KCTD9: variants seen among roughly 807,000 people sequenced by gnomAD.
KCTD9 encodes the protein BTB/POZ domain-containing protein KCTD9.
Under a neutral mutation model 53.3 loss-of-function variants are expected in KCTD9, and 17 were observed. The ratio of observed to expected loss-of-function variants is 0.32; its 90% CI spans 0.22 to 0.48. The LOEUF is 0.48. Among genes scored for constraint, KCTD9 ranks in the 20% least tolerant of loss-of-function variants. The pLI is 0.99. For synonymous variants in KCTD9, 128 were observed against 162.7 expected, an observed-to-expected ratio of 0.79 and a Z score of 1.62; for missense variants, 179 against 465.5, an observed-to-expected ratio of 0.38 and a Z score of 5.66.
rs1284903880 is a variant in KCTD9, at chr8:25,428,114, G to C, written c.*1743C>G. 1 of 152,594 alleles carries C rather than the reference G, an allele frequency of 6.6e-6. No individual in the cohort carries two copies. The highest frequency in any genetic ancestry group is 1.9e-4 in the East Asian group (1 of 5,190). 9.5% of individuals were successfully genotyped at this position (152,594 alleles called of 1,614,324 possible). ...AAGCACACCATGTTTAGATCTTTCA[G>C]ATCCTTCTGCAGTTTTAGGTTATTT... On this transcript the variant is annotated 3_prime_UTR_variant, in exon 12 of 12. Coordinates refer to ENST00000221200, the MANE Select transcript of KCTD9 (RefSeq NM_017634.4).
At chr8:25,439,956 C>T (rs147260647) in intron 4 of KCTD9, among the ~76,000 whole-genome samples, 119 of 152,182 alleles carry the variant, frequency 7.8e-4, no homozygotes, top group African/African-American at 2.7e-3. Context: ...TCCAAACTTA[C>T]ATTTTTCTGC....
Position 25,435,421 on chromosome 8 carries a change from T to A in KCTD9, c.755A>T (p.His252Leu). 6.2e-7 allele frequency: 1 copy of A among 1,612,256 alleles called. No homozygotes were observed. The highest frequency in any genetic ancestry group is 2.2e-5 in the East Asian group (1 of 44,776). ...MANLSRCNLA[H>L]ANLCCANLER... ...AAGATTTGCACAGCAAAGATTTGCA[T>A]GTGCAAGATTACAGCGGCTTAAATT... The change falls in exon 9 of 12, where the codon CAT becomes CTT. Residue 252 changes from histidine (H) to leucine (L), a missense_variant. His to Leu is a moderately conservative substitution (Grantham distance 99). This residue lies in a region of KCTD9 where 32 missense variants were observed against 55.7 expected (regional missense o/e 0.57). Transcript: ENST00000221200.
intron 11 of KCTD9, among the ~76,000 whole-genome samples, chr8:25,431,977 C>A (rs1460556296): frequency 6.6e-6 from 1 of 152,204 alleles, no homozygotes; most frequent in African/African-American, 2.4e-5. Context: ...AGCTACTATA[C>A]TGAACAGCAC....
rs77119803 is a variant in KCTD9, at chr8:25,432,006, T to C, written c.1053+498A>G. On this transcript the variant is annotated intron_variant, in intron 11 of 11. Coordinates refer to ENST00000221200, the MANE Select transcript of KCTD9 (RefSeq NM_017634.4). ...ACAGCACAGATATAGAACATGTCCC[T>C]CCTGCACAAAGTGCTATTGGATAGT... Among the ~76,000 whole-genome samples, 7 of 152,348 alleles carry C rather than the reference T, an allele frequency of 4.6e-5. No homozygotes were observed. The East Asian group carries it at 1.4e-3, about 29-fold the overall frequency.
chr8:25,446,838 T>C (rs143949976), intron 1 of KCTD9, among the ~76,000 whole-genome samples: 125 of 152,266 alleles, frequency 8.2e-4, no homozygotes, highest in African/African-American at 2.9e-3. Flanking sequence ...TTTATTTAAT[T>C]CTTCACTAAC....
At chr8:25,451,421 C>G (rs1302315420) in intron 1 of KCTD9, 1 of 152,102 alleles carries the variant, frequency 6.6e-6, no homozygotes, top group Non-Finnish European at 1.5e-5. Context: ...TGTCCTCATA[C>G]TGAGCCAAAT....
intron 4 of KCTD9, 184 bp from the exon 5 acceptor site, chr8:25,439,848 T>C: frequency 8.0e-7 from 1 of 1,247,780 alleles, no homozygotes; most frequent in Non-Finnish European, 1.1e-6. Flanking sequence ...TCTAATAGGG[T>C]ACTTCCTTTG....
chr8:25,432,388 G>C, intron 11 of KCTD9, 116 bp downstream of exon 11: 1 of 832,960 alleles, frequency 1.2e-6, no homozygotes, highest in Non-Finnish European at 2.0e-6. Flanking sequence ...AATGTCAGAT[G>C]AGTCTTCCAA....
chr8:25,443,621 G>C (rs147243866), intron 3 of KCTD9, among the ~76,000 whole-genome samples: 484 of 152,320 alleles, frequency 3.2e-3, no homozygotes, highest in African/African-American at 0.011. Flanking sequence ...ACAGACAAGA[G>C]TATGCACTTA....
At chr8:25,431,601 C>G (rs1439802138) in intron 11 of KCTD9, among the ~76,000 whole-genome samples, 1 of 151,954 alleles carries the variant, frequency 6.6e-6, no homozygotes, top group Non-Finnish European at 1.5e-5. Context: ...ACACTGAGTA[C>G]ACAGTACTAA....
intron 9 of KCTD9, among the ~76,000 whole-genome samples, chr8:25,434,630 C>G (rs180900778): frequency 1.3e-5 from 2 of 152,024 alleles, no homozygotes; most frequent in African/African-American, 2.4e-5. Context: ...TTTTGTTACT[C>G]GCCCTGATAC....
chr8:25,453,653 C>CA (rs571881844), intron 1 of KCTD9, among the ~76,000 whole-genome samples: 607 of 54,826 alleles, frequency 0.011, 1 homozygote, highest in African/African-American at 0.03. Flanking sequence ...GACTCCGACT[C>CA]AAAAAAAAAA....
chr8:25,433,093 A>G (rs1175402475), intron 10 of KCTD9, among the ~76,000 whole-genome samples: 2 of 152,206 alleles, frequency 1.3e-5, no homozygotes, highest in African/African-American at 4.8e-5. Flanking sequence ...TAATTTTCCA[A>G]CTAAAACCTT....
In KCTD9 at chr8:25,448,065, C is replaced by T. The variant is rs565744696; in HGVS notation, c.49-1815G>A. ...ATCACTTGAGCCTGCCAATTCAAGG[C>T]TGCAGTGAGCCAAGATCACGCCACT... On this transcript the variant is annotated intron_variant, in intron 1 of 11. Coordinates refer to ENST00000221200, the MANE Select transcript of KCTD9 (RefSeq NM_017634.4). Among the ~76,000 whole-genome samples, 16 of 151,782 alleles carry T rather than the reference C, an allele frequency of 1.1e-4. No homozygotes were observed. In the East Asian group the frequency reaches 2.3e-3, roughly 22 times the overall value.
chr8:25,456,350 T>A (rs925933267), intron 1 of KCTD9, among the ~76,000 whole-genome samples: 1 of 152,252 alleles, frequency 6.6e-6, no homozygotes, highest in African/African-American at 2.4e-5. Flanking sequence ...CATGTCATGA[T>A]CATGCCAATC....
chr8:25,450,042 T>C (rs922784795), intron 1 of KCTD9, among the ~76,000 whole-genome samples: 8 of 152,212 alleles, frequency 5.3e-5, no homozygotes, highest in Non-Finnish European at 1.0e-4. Context: ...CAAGGACTAT[T>C]TTCAAGGCAA....
At chr8:25,441,675 A>G (rs1175306544) in intron 3 of KCTD9, among the ~76,000 whole-genome samples, 1 of 152,174 alleles carries the variant, frequency 6.6e-6, no homozygotes, top group East Asian at 1.9e-4. Flanking sequence ...AAGGGAAAGA[A>G]AAGGTAAAAA....
intron 1 of KCTD9, among the ~76,000 whole-genome samples, chr8:25,455,595 A>T (rs1802417763): frequency 6.6e-6 from 1 of 152,192 alleles, no homozygotes; most frequent in Non-Finnish European, 1.5e-5. Flanking sequence ...GTGCTTGCAT[A>T]ATTAATATTG....
In KCTD9 at chr8:25,439,260, A is replaced by G; in HGVS notation, c.499+19T>C. ...TGTGAGTAGTTACATAATTATATTG[A>G]AAGTCTAAATAAACTCACCCAATAA... On this transcript the variant is annotated intron_variant, in intron 6 of 11. Coordinates refer to ENST00000221200, the MANE Select transcript of KCTD9 (RefSeq NM_017634.4). 1 of 1,562,554 alleles carries G rather than the reference A, an allele frequency of 6.4e-7. No homozygotes were observed.
Sources: gnomAD v4.1 joint callset for allele counts (sites outside exome capture counted in the v4.1 genomes callset) on GRCh38, gnomAD v4.1.1 for gene constraint, gnomAD v4.1.1 regional missense constraint, MANE v1.5 for transcripts, NCBI Gene and HGNC (gene_info 2026-07-23, HGNC 2026-07-21) for gene names.